The following FGF7 variants were observed in gnomAD, a reference collection of about 807,000 sequenced individuals.
FGF7 encodes the protein FGF-7.
In FGF7, 6 loss-of-function variants were observed where a neutral mutation model predicts 20.5. The ratio of observed to expected loss-of-function variants is 0.29; its 90% confidence interval spans 0.16 to 0.58. FGF7 has a LOEUF of 0.58. Ranked by LOEUF, FGF7 falls within the 20% of genes least tolerant of loss-of-function variation. The probability of loss-of-function intolerance (pLI) is 0.90; values close to 1 mark genes in which losing one functional copy is unlikely to be tolerated. For synonymous variants in FGF7, 64 were observed against 74.7 expected (o/e 0.86, Z 0.74); for missense variants, 144 against 228.8 (o/e 0.63, Z 2.39).
Position 49,486,617 on chromosome 15 carries a change from A to G in FGF7, c.*2113A>G, listed in dbSNP as rs1020202947. On this transcript the variant is annotated 3_prime_UTR_variant, in exon 4 of 4. Transcript: ENST00000267843. ...ATTTAAATAGAAATAGTGTATATAC[A>G]TATAAAATACAAGCTATGTTAGGAC... 2 of 152,004 alleles carry G rather than the reference A, an allele frequency of 1.3e-5. No individual in the cohort carries two copies. Among genetic ancestry groups the G allele is most frequent in the African/African-American group, 4.8e-5 (2 of 41,434 alleles). 9.4% of individuals were successfully genotyped at this position (152,004 alleles called of 1,614,324 possible). A position where few individuals can be genotyped will look rare whatever the true frequency, so the allele number is the denominator to read the frequency against.
Position 49,424,245 on chromosome 15 carries a change from T to A in FGF7, c.-53T>A. 6.6e-7 allele frequency: 1 copy of A among 1,515,846 alleles called. No homozygotes were observed. Among genetic ancestry groups the A allele is most frequent in the Non-Finnish European group, 9.1e-7 (1 of 1,102,460 alleles). 93.9% of individuals were successfully genotyped at this position (1,515,846 alleles called of 1,614,324 possible). A position where few individuals can be genotyped will look rare whatever the true frequency, so the allele number is the denominator to read the frequency against. ...CAATGACCTAGGAGTAACAATCAACTCAAGATTCATTTTCATTATGTTATT... is the reference window on the plus strand; with the variant it reads ...CAATGACCTAGGAGTAACAATCAACACAAGATTCATTTTCATTATGTTATT... On this transcript the variant is annotated 5_prime_UTR_variant, in exon 2 of 4. Transcript: ENST00000267843.
At chr15:49,449,018 T>C (rs574334304) in intron 2 of FGF7, among the ~76,000 whole-genome samples, 2 of 151,842 alleles carry the variant, frequency 1.3e-5, no homozygotes, top group Non-Finnish European at 2.9e-5. Context: ...ATAGGAGAAA[T>C]AACATTCTTT....
chr15:49,454,136 AC>A (rs1399092526), intron 2 of FGF7, among the ~76,000 whole-genome samples: 1 of 152,178 alleles, frequency 6.6e-6, no homozygotes, highest in African/African-American at 2.4e-5. Flanking sequence ...GATGGGGCAT[AC>A]TTTTATAAAA....
intron 2 of FGF7, among the ~76,000 whole-genome samples, chr15:49,430,200 T>C (rs1813560945): frequency 6.6e-6 from 1 of 151,934 alleles, no homozygotes; most frequent in Non-Finnish European, 1.5e-5. Flanking sequence ...AAGACTGCTT[T>C]GGTGAATGAG....
intron 2 of FGF7, among the ~76,000 whole-genome samples, chr15:49,431,101 C>T (rs2050576681): frequency 6.6e-6 from 1 of 151,722 alleles, no homozygotes; most frequent in African/African-American, 2.4e-5. Flanking sequence ...TTTTATATAT[C>T]TCACAATAAA....
chr15:49,465,314 T>C (rs1214429297), intron 2 of FGF7, among the ~76,000 whole-genome samples: 1 of 151,062 alleles, frequency 6.6e-6, no homozygotes, highest in African/African-American at 2.4e-5. Context: ...CTTTTTTTTT[T>C]TTTTGGTAGA....
chr15:49,444,002 G>T (rs1433097918), intron 2 of FGF7, among the ~76,000 whole-genome samples: 1 of 151,594 alleles, frequency 6.6e-6, no homozygotes, highest in African/African-American at 2.4e-5. Flanking sequence ...GTAAAAGATT[G>T]TGCTGTAAAT....
chr15:49,428,811 CAT>C (rs1281287046), intron 2 of FGF7, among the ~76,000 whole-genome samples: 1 of 151,938 alleles, frequency 6.6e-6, no homozygotes, highest in African/African-American at 2.4e-5. Flanking sequence ...CTGTTAGTTC[CAT>C]AGCAAGAAAA....
At chr15:49,473,460 T>C (rs888372063) in intron 2 of FGF7, among the ~76,000 whole-genome samples, 19 of 152,168 alleles carry the variant, frequency 1.2e-4, no homozygotes, top group African/African-American at 4.3e-4. Context: ...AACTTTTAGA[T>C]AATTTTCTTC....
intron 2 of FGF7, among the ~76,000 whole-genome samples, chr15:49,478,780 G>A (rs1371939455): frequency 6.6e-5 from 10 of 152,048 alleles, no homozygotes; most frequent in Non-Finnish European, 1.0e-4. Context: ...AAATATTAAT[G>A]ATGCTGAGAT....
At chr15:49,464,829 C>G (rs1057312328) in intron 2 of FGF7, among the ~76,000 whole-genome samples, 1 of 152,072 alleles carries the variant, frequency 6.6e-6, no homozygotes, top group East Asian at 1.9e-4. Context: ...CCTTGCTTAG[C>G]GTTAATAAAA....
intron 2 of FGF7, among the ~76,000 whole-genome samples, chr15:49,470,812 G>C (rs1199932002): frequency 1.3e-5 from 2 of 152,204 alleles, no homozygotes; most frequent in African/African-American, 2.4e-5. Flanking sequence ...TCACTTTCTA[G>C]AAGATCAATG....
intron 2 of FGF7, among the ~76,000 whole-genome samples, chr15:49,440,971 CT>C (rs1369812605): frequency 1.3e-5 from 2 of 151,790 alleles, no homozygotes; most frequent in Admixed American, 1.3e-4. Flanking sequence ...AACCTGCTTA[CT>C]GCTTAGAGAT....
intron 2 of FGF7, among the ~76,000 whole-genome samples, chr15:49,448,337 T>G (rs545789758): frequency 6.6e-6 from 1 of 151,780 alleles, no homozygotes; most frequent in Non-Finnish European, 1.5e-5. Context: ...TCTCTTCCCT[T>G]CTCTCCTTTC....
At chr15:49,428,018 A>AAT (rs1164624280) in intron 2 of FGF7, among the ~76,000 whole-genome samples, 1 of 152,034 alleles carries the variant, frequency 6.6e-6, no homozygotes, top group African/African-American at 2.4e-5. Context: ...TAGAATGAAT[A>AAT]TATTACAGAA....
chr15:49,477,707 C>G (rs2055479653), intron 2 of FGF7, among the ~76,000 whole-genome samples: 1 of 152,164 alleles, frequency 6.6e-6, no homozygotes, highest in Non-Finnish European at 1.5e-5. Context: ...GGCATGACTG[C>G]TGGATTATAT....
intron 2 of FGF7, among the ~76,000 whole-genome samples, chr15:49,453,668 C>T (rs1019443235): frequency 2.0e-5 from 3 of 152,162 alleles, no homozygotes; most frequent in Admixed American, 1.3e-4. Flanking sequence ...AGACTCATGA[C>T]TTCAATTATG....
At chr15:49,448,405 T>C (rs1479314855) in intron 2 of FGF7, among the ~76,000 whole-genome samples, 1 of 151,632 alleles carries the variant, frequency 6.6e-6, no homozygotes, top group Non-Finnish European at 1.5e-5. Context: ...CTAACCACAA[T>C]ATAGAACTGA....
intron 2 of FGF7, among the ~76,000 whole-genome samples, chr15:49,477,916 T>C (rs550451301): frequency 2.2e-4 from 34 of 152,332 alleles, no homozygotes; most frequent in East Asian, 1.3e-3. Context: ...TTGCAATTCC[T>C]TTTTAAATAA....
Sources: gnomAD v4.1 joint callset for allele counts (sites outside exome capture counted in the v4.1 genomes callset) on GRCh38, gnomAD v4.1.1 for gene constraint, MANE v1.5 for transcripts, NCBI Gene and HGNC (gene_info 2026-07-23, HGNC 2026-07-21) for gene names.